IMMP2L: variants seen among roughly 807,000 people sequenced by gnomAD.
The protein encoded by IMMP2L is inner mitochondrial membrane peptidase subunit 2, also known as mitochondrial inner membrane protease subunit 2.
A neutral mutation model predicts 19.3 loss-of-function variants in IMMP2L; 18 were observed. The observed-to-expected ratio is 0.93, with a 90% CI of 0.64 to 1.38. IMMP2L has a LOEUF of 1.38. Among genes scored for constraint, IMMP2L ranks in the 40% most tolerant of loss-of-function variants. IMMP2L has a pLI of 0.00. For missense variants in IMMP2L, 233 were observed against 218.2 expected, an observed-to-expected ratio of 1.07 and a Z score of -0.43; for synonymous variants, 76 against 73.0, an observed-to-expected ratio of 1.04 and a Z score of -0.21.
At chr7:110,896,658 AT>A (rs1811356014) in intron 4 of IMMP2L, among the ~76,000 whole-genome samples, 1 of 151,318 alleles carries the variant, frequency 6.6e-6, no homozygotes, top group Admixed American at 6.6e-5. Flanking sequence ...TTCGTATGTT[AT>A]TTTACATATA....
chr7:110,688,891 TAC>T (rs967152659), intron 5 of IMMP2L, among the ~76,000 whole-genome samples: 2 of 149,852 alleles, frequency 1.3e-5, no homozygotes, highest in African/African-American at 2.5e-5. Context: ...TACATATGTA[TAC>T]ACACACACTT....
At chr7:110,914,819 C>G (rs1399266259) in intron 4 of IMMP2L, among the ~76,000 whole-genome samples, 2 of 151,980 alleles carry the variant, frequency 1.3e-5, no homozygotes, top group African/African-American at 4.8e-5. Flanking sequence ...ATTCCATGAA[C>G]TTTTTGAAGA....
intron 5 of IMMP2L, among the ~76,000 whole-genome samples, chr7:110,831,454 G>C (rs1803962061): frequency 1.3e-5 from 2 of 152,026 alleles, no homozygotes; most frequent in South Asian, 4.1e-4. Context: ...TTTGGGAATG[G>C]GAATCTTGAG....
chr7:111,018,961 T>C (rs1826001714), intron 3 of IMMP2L, among the ~76,000 whole-genome samples: 1 of 152,040 alleles, frequency 6.6e-6, no homozygotes, highest in Non-Finnish European at 1.5e-5. Flanking sequence ...TAAGACAAAT[T>C]GTCGACTGAG....
At chr7:111,472,396 C>CA (rs1841349651) in intron 3 of IMMP2L, among the ~76,000 whole-genome samples, 1 of 152,004 alleles carries the variant, frequency 6.6e-6, no homozygotes, top group African/African-American at 2.4e-5. Context: ...AATATTCATA[C>CA]AAAATTAAAA....
chr7:110,963,959 G>A (rs1340222229), intron 3 of IMMP2L, among the ~76,000 whole-genome samples: 1 of 149,154 alleles, frequency 6.7e-6, no homozygotes, highest in Non-Finnish European at 1.5e-5. Flanking sequence ...AGGGGACCTG[G>A]TGGGAGGTGA....
intron 3 of IMMP2L, among the ~76,000 whole-genome samples, chr7:110,989,235 AAAAAAAAGATGTT>A (rs956186126): frequency 2.5e-4 from 38 of 150,842 alleles, no homozygotes; most frequent in African/African-American, 8.8e-4. Context: ...AACTGTCTCA[AAAAAAAAGATGTT>A]ATTTCTGGCC....
At chr7:111,491,102 G>A (rs778081284) in intron 2 of IMMP2L, among the ~76,000 whole-genome samples, 4 of 151,910 alleles carry the variant, frequency 2.6e-5, no homozygotes, top group Admixed American at 6.6e-5. Context: ...AGTCCTTTAC[G>A]ATGATCCTCT....
intron 3 of IMMP2L, among the ~76,000 whole-genome samples, chr7:111,149,685 C>T (rs921430136): frequency 3.3e-5 from 5 of 152,072 alleles, no homozygotes; most frequent in Non-Finnish European, 5.9e-5. Flanking sequence ...CACGTACAGA[C>T]GGACCCCACA....
intron 3 of IMMP2L, among the ~76,000 whole-genome samples, chr7:111,156,739 AG>A (rs1804687583): frequency 1.3e-5 from 2 of 151,748 alleles, no homozygotes; most frequent in African/African-American, 4.8e-5. Context: ...CTTTCAAGCT[AG>A]CACAGAGAAA....
At position 111,342,591 on chromosome 7, in the gene IMMP2L, A is replaced by AT. The variant is rs571706526; in HGVS notation, c.239+144646_239+144647insA. ...TGGCGACAGAGTGAGACTCCATCTC[A>AT]AAAAAAAAGAATAAAGGTCATATAC... On this transcript the variant is annotated intron_variant, in intron 3 of 5. Transcript: ENST00000405709. 8.8e-3 allele frequency among the ~76,000 whole-genome samples: 1,311 copies of AT among 149,722 alleles called. 23 individuals carry two copies. Among genetic ancestry groups the AT allele is most frequent in the African/African-American group, 0.03 (1,237 of 41,192 alleles).
chr7:111,480,144 C>T (rs549033698), intron 3 of IMMP2L, among the ~76,000 whole-genome samples: 10 of 149,352 alleles, frequency 6.7e-5, no homozygotes, highest in Non-Finnish European at 1.5e-4. Context: ...AGTGCAGTGG[C>T]GCAATCTCGG....
intron 4 of IMMP2L, among the ~76,000 whole-genome samples, chr7:110,941,926 C>T (rs1018298651): frequency 1.3e-5 from 2 of 151,898 alleles, no homozygotes; most frequent in Non-Finnish European, 2.9e-5. Flanking sequence ...TTTGTCAAAA[C>T]GAAACAGCTA....
intron 5 of IMMP2L, among the ~76,000 whole-genome samples, chr7:110,694,842 T>C (rs1006487193): frequency 2.0e-5 from 3 of 152,238 alleles, no homozygotes; most frequent in Non-Finnish European, 2.9e-5. Context: ...TGAAATGTGA[T>C]ATATATCTAT....
chr7:111,319,081 C>T (rs1284241699), intron 3 of IMMP2L, among the ~76,000 whole-genome samples: 1 of 152,062 alleles, frequency 6.6e-6, no homozygotes, highest in Non-Finnish European at 1.5e-5. Context: ...TAATGTAAGG[C>T]TAAGTAAGCG....
intron 3 of IMMP2L, among the ~76,000 whole-genome samples, chr7:111,471,059 G>A (rs1025162714): frequency 4.0e-5 from 6 of 151,888 alleles, no homozygotes; most frequent in East Asian, 1.9e-4. Flanking sequence ...CATTTGTATC[G>A]TGGCCATTGG....
At chr7:111,236,391 T>C (rs539920843) in intron 3 of IMMP2L, among the ~76,000 whole-genome samples, 2 of 152,260 alleles carry the variant, frequency 1.3e-5, no homozygotes, top group Admixed American at 6.5e-5. Context: ...CAGCCTTTAA[T>C]CTAGGGGTGA....
chr7:111,367,015 G>T (rs1829830745), intron 3 of IMMP2L, among the ~76,000 whole-genome samples: 1 of 151,542 alleles, frequency 6.6e-6, no homozygotes, highest in South Asian at 2.1e-4. Flanking sequence ...TACAAAGCTT[G>T]AGGGGAAAAA....
intron 3 of IMMP2L, among the ~76,000 whole-genome samples, chr7:111,464,994 G>A (rs1476642557): frequency 6.6e-6 from 1 of 152,010 alleles, no homozygotes. Context: ...AGGTTTCACC[G>A]TGTTAGCCAG....
Sources: gnomAD v4.1 joint callset for allele counts (sites outside exome capture counted in the v4.1 genomes callset) on GRCh38, gnomAD v4.1.1 for gene constraint, MANE v1.5 for transcripts, NCBI Gene and HGNC (gene_info 2026-07-23, HGNC 2026-07-21) for gene names.